CPEB3: variants seen among roughly 807,000 people sequenced by gnomAD.
CPEB3 encodes cytoplasmic polyadenylation element-binding protein 3.
A neutral mutation model predicts 67.2 loss-of-function variants in CPEB3; 20 were observed. The observed-to-expected ratio is 0.30, with a 90% CI of 0.21 to 0.43. CPEB3 has a LOEUF of 0.43. Ranked by LOEUF, CPEB3 falls within the 20% of genes least tolerant of loss-of-function variation. The pLI is 1.00. For synonymous variants in CPEB3, 376 were observed against 393.1 expected (o/e 0.96, Z 0.51); for missense variants, 746 against 968.6 (o/e 0.77, Z 3.05).
rs1283567169 is a variant in CPEB3, at chr10:92,239,720, C to G, written c.631G>C (p.Gly211Arg). The G allele has an allele frequency of 6.5e-7, 1 of 1,540,442 alleles. No individual in the cohort carries two copies. Among genetic ancestry groups the G allele is most frequent in the Non-Finnish European group, 8.7e-7 (1 of 1,148,654 alleles). Residue 211 changes from glycine to arginine, a missense_variant, in exon 2 of 10, where the codon GGC becomes CGC. Around this residue, in one of 2 missense-constraint regions of CPEB3, gnomAD observed 643 missense variants for 717.5 expected, o/e 0.90. Transcript: ENST00000265997. The surrounding 1 kb of genome is among the most constrained non-coding windows in gnomAD (Gnocchi z 6.0). ...YAQRSAAAAYGHQPIMTSKPS... is the reference protein window; with the variant it reads ...YAQRSAAAAYRHQPIMTSKPS... ...TTGCTGGTCATGATGGGCTGGTGGC[C>G]GTACGCCGCGGCGGCGCTCCTCTGC...
intron 1 of CPEB3, among the ~76,000 whole-genome samples, chr10:92,257,615 G>A (rs988465975): frequency 2.0e-5 from 3 of 152,044 alleles, no homozygotes; most frequent in Non-Finnish European, 2.9e-5. Flanking sequence ...AAAGCTTGCA[G>A]CAGTGTATAC....
intron 6 of CPEB3, among the ~76,000 whole-genome samples, chr10:92,134,595 A>G (rs1384942736): frequency 6.6e-6 from 1 of 152,142 alleles, no homozygotes; most frequent in East Asian, 1.9e-4. Context: ...TGCCCAAGGT[A>G]ATTTATAGAT....
At chr10:92,191,787 T>TA (rs1848997039) in intron 3 of CPEB3, among the ~76,000 whole-genome samples, 1 of 152,212 alleles carries the variant, frequency 6.6e-6, no homozygotes, top group East Asian at 1.9e-4. Context: ...TTAAGGTATC[T>TA]AAAAAGTCCT....
chr10:92,275,225 G>C (rs905405735), intron 1 of CPEB3, among the ~76,000 whole-genome samples: 1 of 152,188 alleles, frequency 6.6e-6, no homozygotes, highest in African/African-American at 2.4e-5. Context: ...GTGCACTATA[G>C]CATGTTTAGC....
chr10:92,119,607 G>C (rs1197104963), intron 6 of CPEB3, among the ~76,000 whole-genome samples: 1 of 152,132 alleles, frequency 6.6e-6, no homozygotes, highest in African/African-American at 2.4e-5. Flanking sequence ...TCACTGGTGA[G>C]AGCCCAGGCC....
At chr10:92,140,369 A>G (rs1184891783) in intron 6 of CPEB3, among the ~76,000 whole-genome samples, 2 of 152,228 alleles carry the variant, frequency 1.3e-5, no homozygotes, top group African/African-American at 4.8e-5. Flanking sequence ...GACAAAAACA[A>G]GCAAGGGGGA....
At chr10:92,134,894 A>T (rs1846016476) in intron 6 of CPEB3, among the ~76,000 whole-genome samples, 1 of 151,942 alleles carries the variant, frequency 6.6e-6, no homozygotes, top group South Asian at 2.1e-4. Flanking sequence ...GACAAACCTG[A>T]CAAAAACAAA....
At chr10:92,200,780 T>C (rs576826279) in intron 2 of CPEB3, among the ~76,000 whole-genome samples, 2 of 152,216 alleles carry the variant, frequency 1.3e-5, no homozygotes, top group East Asian at 3.9e-4. Context: ...ATGACTCAAC[T>C]TGAAGCACAT....
Position 92,239,745 on chromosome 10 carries a change from C to A in CPEB3, c.606G>T (p.Ala202=), listed in dbSNP as rs767183772. The A allele has an allele frequency of 1.3e-6, 2 of 1,485,654 alleles. No individual in the cohort carries two copies. Among genetic ancestry groups the A allele is most frequent in the Admixed American group, 2.4e-5 (1 of 42,020 alleles). 92.0% of individuals were successfully genotyped at this position (1,485,654 alleles called of 1,614,324 possible). The change falls in exon 2 of 10, where the codon GCG becomes GCT. Residue 202 remains alanine, a synonymous_variant. Coordinates refer to ENST00000265997, the MANE Select transcript of CPEB3 (RefSeq NM_014912.5). This position sits in a 1 kb window ranked among gnomAD's most constrained non-coding sequence, Gnocchi z 6.0. ...CGTACGCCGCGGCGGCGCTCCTCTG[C>A]GCGTAGGGCGCCTGGCTGGGGCTGG... ...SPASPSQAPY[A]QRSAAAAYGH... is the part of the protein sequence containing the mutation.
chr10:92,254,426 A>C (rs1852434443), intron 1 of CPEB3, among the ~76,000 whole-genome samples: 1 of 152,186 alleles, frequency 6.6e-6, no homozygotes, highest in South Asian at 2.1e-4. Context: ...AGACATGACT[A>C]AGTTTGAGAA....
chr10:92,111,220 T>G (rs1367194585), intron 6 of CPEB3, 26 bp from the exon 7 acceptor site: 5 of 1,414,794 alleles, frequency 3.5e-6, no homozygotes, highest in Non-Finnish European at 4.0e-6. Context: ...AACAAAAGGG[T>G]AGAGGAAGAA....
At chr10:92,172,870 G>A (rs373037049) in intron 4 of CPEB3, among the ~76,000 whole-genome samples, 7 of 152,158 alleles carry the variant, frequency 4.6e-5, no homozygotes, top group Non-Finnish European at 8.8e-5. Flanking sequence ...AGACCACTTC[G>A]TAAACTGCTC....
At chr10:92,258,649 TATATATATATATATATATATA>T (rs1852642885) in intron 1 of CPEB3, among the ~76,000 whole-genome samples, 1 of 44,144 alleles carries the variant, frequency 2.3e-5, no homozygotes, top group Non-Finnish European at 7.5e-5. Flanking sequence ...TATATATATA[TATATATATATATATATATATA>T]TATATATATT....
intron 4 of CPEB3, among the ~76,000 whole-genome samples, chr10:92,153,902 T>C (rs909071155): frequency 2.0e-5 from 3 of 151,168 alleles, no homozygotes; most frequent in Non-Finnish European, 4.4e-5. Context: ...ATATATTAAA[T>C]GTGTAGGCAA....
intron 3 of CPEB3, among the ~76,000 whole-genome samples, chr10:92,185,492 G>A (rs1380634732): frequency 6.6e-6 from 1 of 152,076 alleles, no homozygotes; most frequent in Non-Finnish European, 1.5e-5. Flanking sequence ...AAAAAACTAT[G>A]TCTATCATGA....
chr10:92,103,903 TG>T (rs1844310962), intron 7 of CPEB3, among the ~76,000 whole-genome samples: 1 of 152,218 alleles, frequency 6.6e-6, no homozygotes, highest in Non-Finnish European at 1.5e-5. Flanking sequence ...ACTGGCATGC[TG>T]ATTACTAAAA....
intron 1 of CPEB3, among the ~76,000 whole-genome samples, chr10:92,286,220 C>T (rs1210845559): frequency 6.6e-6 from 1 of 152,056 alleles, no homozygotes; most frequent in Non-Finnish European, 1.5e-5. Context: ...CAGGCGTGAG[C>T]TACCACACCC....
At chr10:92,094,962 T>C (rs973835667) in intron 7 of CPEB3, among the ~76,000 whole-genome samples, 6 of 152,192 alleles carry the variant, frequency 3.9e-5, no homozygotes, top group Admixed American at 3.3e-4. Context: ...CGTTTGATCA[T>C]AGATCACTTT....
Position 92,239,600 on chromosome 10 carries a change from C to T in CPEB3, c.751G>A (p.Ala251Thr). Residue 251 changes from alanine (A) to threonine (T), a missense_variant, in exon 2 of 10, where the codon GCC (alanine) becomes ACC (threonine). Physicochemically the swap from Ala to Thr is moderately conservative, Grantham distance 58 (BLOSUM62 0). This residue lies in a region of CPEB3 where 643 missense variants were observed against 717.5 expected (regional missense o/e 0.90). Coordinates refer to ENST00000265997, the MANE Select transcript of CPEB3 (RefSeq NM_014912.5). This position sits in a 1 kb window ranked among gnomAD's most constrained non-coding sequence, Gnocchi z 6.0. ...SWNTHQSVNA[A>T]WSAPSNPWGG... Reference sequence around the variant, plus strand: ...CAGGGGTTGGACGGTGCGCTCCAGGCTGCATTCACGCTTTGGTGCGTGTTC... The same window carrying T: ...CAGGGGTTGGACGGTGCGCTCCAGGTTGCATTCACGCTTTGGTGCGTGTTC... 6.4e-7 allele frequency: 1 copy of T among 1,555,664 alleles called. No individual in the cohort carries two copies. Among genetic ancestry groups the T allele is most frequent in the East Asian group, 2.4e-5 (1 of 41,530 alleles).
Sources: gnomAD v4.1 joint callset for allele counts (sites outside exome capture counted in the v4.1 genomes callset) on GRCh38, gnomAD v4.1.1 for gene constraint, gnomAD v4.1.1 regional missense constraint, Gnocchi (gnomAD v3.1) non-coding constraint, MANE v1.5 for transcripts, NCBI Gene and HGNC (gene_info 2026-07-23, HGNC 2026-07-21) for gene names.